RPE65: variants seen among roughly 807,000 people sequenced by gnomAD.
RPE65 encodes the protein retinoid isomerohydrolase RPE65.
A neutral mutation model predicts 68.5 loss-of-function variants in RPE65; 58 were observed. The observed-to-expected ratio is 0.85, with a 90% CI of 0.69 to 1.05. The LOEUF is 1.05. Among genes scored for constraint, RPE65 ranks in the 50% least tolerant of loss-of-function variants. RPE65 has a pLI of 0.00. For missense variants in RPE65, 643 were observed against 629.9 expected, an observed-to-expected ratio of 1.02 and a Z score of -0.22; for synonymous variants, 220 against 222.2, an observed-to-expected ratio of 0.99 and a Z score of 0.09.
At chr1:68,435,129 TTTGTGACG>T (rs1645851798) in intron 10 of RPE65, among the ~76,000 whole-genome samples, 2 of 152,116 alleles carry the variant, frequency 1.3e-5, no homozygotes, top group African/African-American at 4.8e-5. Context: ...TGCACTCATC[TTTGTGACG>T]TTACTCTCTC....
chr1:68,439,077 C>T lies in RPE65; in HGVS notation c.863G>A (p.Trp288Ter), dbSNP rs765234445. 1 of 1,613,734 alleles carries T rather than the reference C, an allele frequency of 6.2e-7. No homozygotes were observed. The highest frequency in any genetic ancestry group is 8.5e-7 in the Non-Finnish European group (1 of 1,179,938). Residue 288 changes from tryptophan (W) to a stop codon, truncating the protein, a stop_gained, in exon 9 of 14, where the codon TGG (tryptophan) becomes TAG (stop). Coordinates refer to ENST00000262340, the MANE Select transcript of RPE65 (RefSeq NM_000329.3). LOFTEE classifies it high-confidence loss of function. ...CCTTTTTTTGTCAGCAATATGAAGC[C>T]AAACCTTGAAAAATGAGGAAAATAT... is the stretch of plus-strand genomic sequence containing the variant. Reference protein sequence around the residue: ...CFESNETMGVWLHIADKKRKK... With the variant: ...CFESNETMGV
Position 68,439,612 on chromosome 1 carries a change from A to ATC in RPE65, c.672_673dup (p.Ile225ArgfsTer22). On this transcript the variant is annotated frameshift_variant, in exon 7 of 14. Coordinates refer to ENST00000262340, the MANE Select transcript of RPE65 (RefSeq NM_000329.3). LOFTEE classifies it high-confidence loss of function. ...GTCACTGCAGGGGAATTGTACAACG[A>ATC]TCTCTGACTTGCTTATTGGATCTTC... The ATC allele has an allele frequency of 6.2e-7, 1 of 1,613,920 alleles. No homozygotes were observed. Among genetic ancestry groups the ATC allele is most frequent in the Non-Finnish European group, 8.5e-7 (1 of 1,179,836 alleles).
intron 3 of RPE65, 57 bp downstream of exon 3, chr1:68,446,653 A>G: frequency 6.2e-7 from 1 of 1,611,120 alleles, no homozygotes; most frequent in Non-Finnish European, 8.5e-7. Flanking sequence ...ACATGGGAGG[A>G]GGAGCCAAGC....
At chr1:68,434,091 GATATATAT>G (rs56401732) in intron 10 of RPE65, among the ~76,000 whole-genome samples, 3 of 138,554 alleles carry the variant, frequency 2.2e-5, no homozygotes, top group Admixed American at 7.3e-5. Flanking sequence ...GGGCATGAGG[GATATATAT>G]ATATATATAT....
At chr1:68,436,014 A>C (rs1337883714) in intron 10 of RPE65, among the ~76,000 whole-genome samples, 1 of 152,232 alleles carries the variant, frequency 6.6e-6, no homozygotes. Flanking sequence ...TGATTATTAC[A>C]GTTCCCTATT....
rs189876903 is a variant in RPE65, at chr1:68,442,961, C to A, written c.495+1570G>T. Among the ~76,000 whole-genome samples the A allele has an allele frequency of 2.0e-5, 3 of 152,160 alleles. No homozygotes were observed. The East Asian group carries it at 5.8e-4, about 29-fold the overall frequency. On this transcript the variant is annotated intron_variant, in intron 5 of 13. Coordinates refer to ENST00000262340, the MANE Select transcript of RPE65 (RefSeq NM_000329.3). Reference sequence around the variant, plus strand: ...ACTATTTTTTTTCTTCTTATTTTTACCAGTACTGCATTTGTGGTTCTGGCT... The same window carrying A: ...ACTATTTTTTTTCTTCTTATTTTTAACAGTACTGCATTTGTGGTTCTGGCT...
At chr1:68,448,391 A>G (rs1176287998) in intron 2 of RPE65, among the ~76,000 whole-genome samples, 1 of 152,214 alleles carries the variant, frequency 6.6e-6, no homozygotes, top group Non-Finnish European at 1.5e-5. Flanking sequence ...AAGATGACAA[A>G]GGTGTAATCC....
chr1:68,439,294 A>G lies in RPE65; in HGVS notation c.755T>C (p.Phe252Ser), dbSNP rs1553153135. 3 of 1,613,942 alleles carry G rather than the reference A, an allele frequency of 1.9e-6. No homozygotes were observed. The highest frequency in any genetic ancestry group is 2.5e-6 in the Non-Finnish European group (3 of 1,179,970). Residue 252 changes from phenylalanine to serine, a missense_variant, in exon 8 of 14, where the codon TTT (phenylalanine) becomes TCT (serine). Coordinates refer to ENST00000262340, the MANE Select transcript of RPE65 (RefSeq NM_000329.3). ...SFGLTPNYIV[F>S]VETPVKINLF... ...GTTAATTTTGACTGGTGTCTCCACA[A>G]AAACGATATAGTTGGGAGTCAGACC...
Position 68,429,314 on chromosome 1 carries a change from A to G in RPE65, c.*462T>C, listed in dbSNP as rs187389567. On this transcript the variant is annotated 3_prime_UTR_variant, in exon 14 of 14. Transcript: ENST00000262340. The stretch of plus-strand genomic sequence containing the variant: ...CTTAGATGATAGTCCCTGGTTTGAG[A>G]AAAAGTTTGGTTTGACATTTAGTAA... 7.2e-4 allele frequency: 118 copies of G among 163,860 alleles called. No homozygotes were observed. Among genetic ancestry groups the G allele is most frequent in the African/African-American group, 2.7e-3 (111 of 41,512 alleles). 10.2% of individuals were successfully genotyped at this position (163,860 alleles called of 1,614,324 possible).
rs1348949936 is a variant in RPE65 at position 68,439,044 on chromosome 1, T to C, written c.896A>G (p.Tyr299Cys). 6.2e-7 allele frequency: 1 copy of C among 1,614,138 alleles called. No individual in the cohort carries two copies. Among genetic ancestry groups the C allele is most frequent in the Middle Eastern group, 1.6e-4 (1 of 6,062 alleles). Residue 299 changes from tyrosine (Y) to cysteine (C), a missense_variant, in exon 9 of 14, where the codon TAC (tyrosine) becomes TGC (cysteine). By Grantham distance (194) the Tyr-to-Cys change is radical (BLOSUM62 -2). Transcript: ENST00000262340. Reference sequence around the variant, plus strand: ...AGAAGTTCTGTATTTATTATTGAGGTACTTTTTCCTTTTTTTGTCAGCAAT... The same window carrying C: ...AGAAGTTCTGTATTTATTATTGAGGCACTTTTTCCTTTTTTTGTCAGCAAT... Reference protein sequence around the residue: ...LHIADKKRKKYLNNKYRTSPF... With the variant: ...LHIADKKRKKCLNNKYRTSPF...
At chr1:68,433,269 A>G (rs1294996851) in intron 10 of RPE65, among the ~76,000 whole-genome samples, 1 of 152,154 alleles carries the variant, frequency 6.6e-6, no homozygotes, top group African/African-American at 2.4e-5. Context: ...GAGGAATGAG[A>G]AGGTAGCTGG....
rs2100818448 is a variant in RPE65 at position 68,438,992 on chromosome 1, G to A, written c.948C>T (p.Asn316=). ...TCAGAAACCCATTGTCTTCATAGGTGTTGATGTGATGGAAGAGGTTGAAAG... is the reference window on the plus strand; with the variant it reads ...TCAGAAACCCATTGTCTTCATAGGTATTGATGTGATGGAAGAGGTTGAAAG... ...TSPFNLFHHI[N]TYEDNGFLIV... is the part of the protein sequence containing the mutation. Residue 316 remains asparagine, a synonymous_variant, in exon 9 of 14, where the codon AAC becomes AAT. Coordinates refer to ENST00000262340, the MANE Select transcript of RPE65 (RefSeq NM_000329.3). 2 of 1,614,064 alleles carry A rather than the reference G, an allele frequency of 1.2e-6. No individual in the cohort carries two copies. Among genetic ancestry groups the A allele is most frequent in the Non-Finnish European group, 8.5e-7 (1 of 1,179,954 alleles).
chr1:68,447,584 G>T (rs1437752854), intron 2 of RPE65, among the ~76,000 whole-genome samples: 1 of 152,146 alleles, frequency 6.6e-6, no homozygotes. Context: ...AGGTAGGGCC[G>T]GGCGCGGTGG....
intron 10 of RPE65, among the ~76,000 whole-genome samples, chr1:68,435,184 CTTTTTCTGGCTTCTCT>C (rs1645852307): frequency 2.7e-5 from 1 of 37,332 alleles, no homozygotes; most frequent in Non-Finnish European, 4.0e-5. Flanking sequence ...GCTCTTGTTT[CTTTTTCTGGCTTCTCT>C]TGTTTCTTTT....
chr1:68,438,348 G>A (rs1333914162), intron 9 of RPE65, 32 bp from the exon 10 acceptor site: 1 of 1,607,664 alleles, frequency 6.2e-7, no homozygotes, highest in Admixed American at 1.7e-5. Flanking sequence ...CATGAGCACA[G>A]GCAATGACAA....
chr1:68,438,259 C>T lies in RPE65; in HGVS notation c.1056G>A (p.Glu352=), dbSNP rs12145904. Residue 352 remains glutamate, a synonymous_variant, in exon 10 of 14, where the codon GAG becomes GAA. Transcript: ENST00000262340. ...GAGCCTTTCTGGCATTTTTTTTCAC[C>T]TCTTCCCAGTTCTCACGTAAATTGG... ...YLANLRENWE[E]VKKNARKAPQ... 0.13 allele frequency: 216,709 copies of T among 1,613,238 alleles called. 16,937 individuals carry two copies. The highest frequency in any genetic ancestry group is 0.37 in the East Asian group (16,739 of 44,812).
In RPE65 at chr1:68,439,342, G is replaced by A; in HGVS notation, c.726-19C>T. On this transcript the variant is annotated intron_variant, in intron 7 of 13. Transcript: ENST00000262340. The stretch of plus-strand genomic sequence containing the variant: ...ACCAAAACTGTTCAGAAACACAAAT[G>A]GGCTTGTGAATGAAAGGGCTGATTC... 2 of 1,612,244 alleles carry A rather than the reference G, an allele frequency of 1.2e-6. No homozygotes were observed. Among genetic ancestry groups the A allele is most frequent in the Non-Finnish European group, 1.7e-6 (2 of 1,179,876 alleles).
intron 6 of RPE65, 44 bp downstream of exon 6, chr1:68,440,809 A>G (rs1444103868): frequency 1.2e-6 from 2 of 1,608,244 alleles, no homozygotes; most frequent in Admixed American, 1.7e-5. Flanking sequence ...CTTTCTCACA[A>G]TATAGACACT....
At chr1:68,448,585 G>C (rs1030769940) in intron 2 of RPE65, 39 bp downstream of exon 2, 5 of 1,578,308 alleles carry the variant, frequency 3.2e-6, no homozygotes, top group African/African-American at 1.3e-5. Flanking sequence ...AAGAGAGACT[G>C]ACATAAAAGA....
Sources: allele counts gnomAD v4.1 joint callset (sites outside exome capture counted in the v4.1 genomes callset), GRCh38; gene constraint gnomAD v4.1.1; transcripts MANE v1.5; gene names NCBI Gene and HGNC (gene_info 2026-07-23, HGNC 2026-07-21).